PDS5B: variants seen among roughly 807,000 people sequenced by gnomAD.
The protein encoded by PDS5B is sister chromatid cohesion protein PDS5 homolog B.
In PDS5B, 51 loss-of-function variants were observed where a neutral mutation model predicts 184.1. The ratio of observed to expected loss-of-function variants is 0.28; its 90% CI spans 0.22 to 0.35. The LOEUF is 0.35. Ranked by LOEUF, PDS5B falls within the 10% of genes least tolerant of loss-of-function variation. The pLI is 1.00. For synonymous variants in PDS5B, 566 were observed against 569.2 expected (o/e 0.99, Z 0.08); for missense variants, 1,180 against 1,723.3 (o/e 0.68, Z 5.58).
At chr13:32,636,329 C>T (rs562393688) in intron 1 of PDS5B, among the ~76,000 whole-genome samples, 3 of 152,292 alleles carry the variant, frequency 2.0e-5, no homozygotes, top group South Asian at 4.1e-4. Flanking sequence ...GTCATGCTTA[C>T]GTATATGAAG....
intron 11 of PDS5B, 74 bp from the exon 12 acceptor site, chr13:32,687,060 T>C: frequency 8.5e-7 from 1 of 1,176,254 alleles, no homozygotes; most frequent in Non-Finnish European, 1.2e-6. Context: ...AACACAAAAC[T>C]AGGAAACTAG....
chr13:32,695,540 A>G (rs185292692), intron 14 of PDS5B, among the ~76,000 whole-genome samples: 1 of 152,054 alleles, frequency 6.6e-6, no homozygotes, highest in African/African-American at 2.4e-5. Flanking sequence ...CCAGAGATGT[A>G]AGAGTGTTTA....
intron 12 of PDS5B, among the ~76,000 whole-genome samples, chr13:32,687,679 G>A (rs2140825759): frequency 6.6e-6 from 1 of 152,204 alleles, no homozygotes; most frequent in African/African-American, 2.4e-5. Flanking sequence ...CTAAAAAACA[G>A]TTTATAAATT....
intron 14 of PDS5B, among the ~76,000 whole-genome samples, chr13:32,695,525 T>C (rs1341492142): frequency 1.3e-5 from 2 of 151,968 alleles, no homozygotes; most frequent in Non-Finnish European, 2.9e-5. Flanking sequence ...TTTACCTCCT[T>C]CTGGCCAGAG....
chr13:32,764,394 A>T (rs1000971566), intron 30 of PDS5B, 95 bp from the exon 31 acceptor site: 24 of 653,020 alleles, frequency 3.7e-5, no homozygotes, highest in Non-Finnish European at 5.3e-5. Context: ...AAAGAACGAA[A>T]TTTTTTCCAT....
intron 31 of PDS5B, among the ~76,000 whole-genome samples, chr13:32,767,779 A>G (rs1954630687): frequency 6.6e-6 from 1 of 152,176 alleles, no homozygotes; most frequent in East Asian, 1.9e-4. Flanking sequence ...AAAGGATGAA[A>G]GTTTTTTTCA....
intron 1 of PDS5B, among the ~76,000 whole-genome samples, chr13:32,586,970 C>T (rs1271742004): frequency 1.4e-5 from 2 of 140,804 alleles, no homozygotes; most frequent in African/African-American, 2.6e-5. Flanking sequence ...GTCTCGGGGC[C>T]GCCCGGCCGC....
intron 1 of PDS5B, among the ~76,000 whole-genome samples, chr13:32,628,313 T>G (rs2058400339): frequency 6.6e-6 from 1 of 152,076 alleles, no homozygotes; most frequent in Admixed American, 6.5e-5. Context: ...TCTTAGCACT[T>G]TGGGAGGCTA....
chr13:32,666,060 C>T (rs913825145), intron 6 of PDS5B, among the ~76,000 whole-genome samples: 6 of 151,910 alleles, frequency 3.9e-5, no homozygotes, highest in African/African-American at 1.5e-4. Context: ...AGATAGAAGG[C>T]ATAGTTCTTT....
In PDS5B at chr13:32,770,575, C is replaced by G. The variant is rs377115790; in HGVS notation, c.4064+15C>G. 1 of 1,601,694 alleles carries G rather than the reference C, an allele frequency of 6.2e-7. No individual in the cohort carries two copies. Among genetic ancestry groups the G allele is most frequent in the African/African-American group, 1.4e-5 (1 of 73,956 alleles). On this transcript the variant is annotated intron_variant, in intron 32 of 34. Transcript: ENST00000315596. Reference sequence around the variant, plus strand: ...GCACAGCAGAGGTAAGCATGTGTAACTCTAAACTGCATCTGTTTCGTTACT... The same window carrying G: ...GCACAGCAGAGGTAAGCATGTGTAAGTCTAAACTGCATCTGTTTCGTTACT...
intron 23 of PDS5B, among the ~76,000 whole-genome samples, chr13:32,743,662 T>G (rs1953643858): frequency 6.6e-6 from 1 of 152,176 alleles, no homozygotes; most frequent in South Asian, 2.1e-4. Flanking sequence ...TGTATTCTCC[T>G]TGTATGTTTT....
chr13:32,765,421 C>T (rs929958559), intron 31 of PDS5B, among the ~76,000 whole-genome samples: 12 of 152,102 alleles, frequency 7.9e-5, no homozygotes, highest in Admixed American at 3.9e-4. Context: ...TTCGAATCTA[C>T]GTGATTAAGA....
chr13:32,619,817 A>G (rs1010705414), intron 1 of PDS5B, among the ~76,000 whole-genome samples: 1 of 152,098 alleles, frequency 6.6e-6, no homozygotes, highest in Admixed American at 6.6e-5. Flanking sequence ...ATTTTATTTG[A>G]GATGAAGTTT....
chr13:32,648,906 C>T (rs1258739379), intron 2 of PDS5B, 26 bp downstream of exon 2: 2 of 1,021,906 alleles, frequency 2.0e-6, no homozygotes, highest in African/African-American at 1.6e-5. Flanking sequence ...TTCTTTTTTA[C>T]ATCTGTGTAG....
chr13:32,732,057 T>C (rs756112753), intron 19 of PDS5B, 44 bp from the exon 20 acceptor site: 7 of 1,521,790 alleles, frequency 4.6e-6, no homozygotes, highest in Non-Finnish European at 6.3e-6. Flanking sequence ...GAAGTCTTGT[T>C]GATTTTTCTG....
intron 19 of PDS5B, among the ~76,000 whole-genome samples, chr13:32,713,335 A>G (rs2140900802): frequency 6.6e-6 from 1 of 152,346 alleles, no homozygotes; most frequent in African/African-American, 2.4e-5. Flanking sequence ...AAGATGAATT[A>G]ACAGAATACA....
At chr13:32,643,301 C>T (rs1950144131) in intron 1 of PDS5B, among the ~76,000 whole-genome samples, 1 of 152,098 alleles carries the variant, frequency 6.6e-6, no homozygotes, top group Non-Finnish European at 1.5e-5. Context: ...TAGTGTTTTT[C>T]CTAACCTGAA....
At position 32,704,078 on chromosome 13, in the gene PDS5B, A is replaced by G. The variant is rs182511542; in HGVS notation, c.1856+2640A>G. On this transcript the variant is annotated intron_variant, in intron 17 of 34. Transcript: ENST00000315596. Reference sequence around the variant, plus strand: ...ATGTCAGTCATTTCCTTTGTGGTTTATTTCAGCCTTTGGTATCATATTAAT... The same window carrying G: ...ATGTCAGTCATTTCCTTTGTGGTTTGTTTCAGCCTTTGGTATCATATTAAT... 2.3e-3 allele frequency among the ~76,000 whole-genome samples: 347 copies of G among 152,170 alleles called. 1 individual carries two copies. Among genetic ancestry groups the G allele is most frequent in the Middle Eastern group, 0.01 (3 of 294 alleles).
intron 24 of PDS5B, among the ~76,000 whole-genome samples, chr13:32,752,190 C>A (rs1954009192): frequency 6.6e-6 from 1 of 152,108 alleles, no homozygotes; most frequent in Non-Finnish European, 1.5e-5. Flanking sequence ...ACAAGGGAGA[C>A]CACATTCACA....
Sources: allele counts gnomAD v4.1 joint callset (sites outside exome capture counted in the v4.1 genomes callset), GRCh38; gene constraint gnomAD v4.1.1; transcripts MANE v1.5; gene names NCBI Gene and HGNC (gene_info 2026-07-23, HGNC 2026-07-21).